The following TNRC6A variants were observed in gnomAD, a reference collection of about 807,000 sequenced individuals.
TNRC6A encodes the protein trinucleotide repeat containing adaptor 6A, also known as trinucleotide repeat-containing gene 6A protein.
TNRC6A carries 44 observed loss-of-function variants against 221.2 expected under a neutral mutation model. The ratio of observed to expected loss-of-function variants is 0.20; its 90% CI spans 0.16 to 0.26. The LOEUF (loss-of-function observed/expected upper bound fraction) is 0.26, where lower values mean the gene tolerates loss of function less well. Ranked by LOEUF, TNRC6A falls within the 10% of genes least tolerant of loss-of-function variation. The pLI, the probability that TNRC6A is intolerant of heterozygous loss-of-function variation, is 1.00. For missense variants in TNRC6A, 2,199 were observed against 2,404.4 expected (o/e 0.91, Z 1.79); for synonymous variants, 847 against 838.5 (o/e 1.01, Z -0.18).
At chr16:24,626,543 T>C (rs930756093) in intron 1 of TNRC6A, among the ~76,000 whole-genome samples, 1 of 152,086 alleles carries the variant, frequency 6.6e-6, no homozygotes, top group Non-Finnish European at 1.5e-5. Context: ...TGAACAACAC[T>C]GAAATCTGAT....
intron 6 of TNRC6A, 180 bp from the exon 7 acceptor site, chr16:24,793,293 A>G (rs905760398): frequency 4.9e-6 from 2 of 407,584 alleles, no homozygotes; most frequent in East Asian, 3.7e-5. Flanking sequence ...TTAATGGGAA[A>G]TAGTTTGTCT....
chr16:24,685,124 A>G (rs927897183), intron 2 of TNRC6A, among the ~76,000 whole-genome samples: 1 of 152,070 alleles, frequency 6.6e-6, no homozygotes, highest in Admixed American at 6.6e-5. Context: ...GCACCTGCCC[A>G]TCCACAGGCT....
intron 2 of TNRC6A, among the ~76,000 whole-genome samples, chr16:24,718,098 C>A (rs2056348084): frequency 6.6e-6 from 1 of 152,060 alleles, no homozygotes; most frequent in Non-Finnish European, 1.5e-5. Flanking sequence ...TCGTATTCAA[C>A]AAATATGAAT....
In TNRC6A at chr16:24,611,578, C is replaced by T. The variant is rs548173247; in HGVS notation, n.276+1094C>T. 1.2e-4 allele frequency among the ~76,000 whole-genome samples: 18 copies of T among 152,214 alleles called. No individual in the cohort carries two copies. In the South Asian group the frequency reaches 1.7e-3, roughly 14 times the overall value. On this transcript the variant is annotated intron_variant and non_coding_transcript_variant, in intron 1 of 2. Coordinates refer to the TNRC6A transcript ENST00000566108. ...GGAGCAAAAAATCTAGTGCTGGATG[C>T]GCTCGGGCATCGAGAGGCATCTCGT...
chr16:24,737,680 A>G (rs1256565247), intron 2 of TNRC6A, among the ~76,000 whole-genome samples: 2 of 152,244 alleles, frequency 1.3e-5, no homozygotes, highest in Non-Finnish European at 2.9e-5. Flanking sequence ...AACAAACAAG[A>G]TTAAGCCAAC....
At chr16:24,723,346 C>T (rs1369009807) in intron 2 of TNRC6A, among the ~76,000 whole-genome samples, 1 of 152,106 alleles carries the variant, frequency 6.6e-6, no homozygotes, top group African/African-American at 2.4e-5. Flanking sequence ...GTAATCCCAG[C>T]ACTTTGGCAG....
Position 24,823,777 on chromosome 16 carries a change from C to T in TNRC6A, c.5859C>T (p.Asp1953=). The T allele has an allele frequency of 6.8e-7, 1 of 1,480,916 alleles. No homozygotes were observed. Among genetic ancestry groups the T allele is most frequent in the Non-Finnish European group, 9.0e-7 (1 of 1,115,280 alleles). 91.7% of individuals were successfully genotyped at this position (1,480,916 alleles called of 1,614,324 possible). A position where few individuals can be genotyped will look rare whatever the true frequency, so the allele number is the denominator to read the frequency against. Residue 1953 remains aspartate (D), a synonymous_variant, in exon 25 of 25, where the codon GAC becomes GAT. Coordinates refer to ENST00000395799, the MANE Select transcript of TNRC6A (RefSeq NM_014494.4). The surrounding 1 kb of genome is among the most constrained non-coding windows in gnomAD (Gnocchi z 4.3). ...CCATTAACGCTTTTCTTTCTGTTGA[C>T]CACCTGGGTGGGGGTGGAGAGTCCA... is the stretch of plus-strand genomic sequence containing the variant. ...PSPINAFLSV[D]HLGGGGESM is the part of the protein sequence containing the mutation.
intron 4 of TNRC6A, among the ~76,000 whole-genome samples, chr16:24,770,260 G>T (rs1428539734): frequency 6.6e-6 from 1 of 152,210 alleles, no homozygotes; most frequent in African/African-American, 2.4e-5. Context: ...AGCAGGATAT[G>T]AATCTGGAAA....
Position 24,791,716 on chromosome 16 carries a change from A to G in TNRC6A, c.3074A>G (p.Asn1025Ser). 6.2e-7 allele frequency: 1 copy of G among 1,613,710 alleles called. No homozygotes were observed. Among genetic ancestry groups the G allele is most frequent in the East Asian group, 2.2e-5 (1 of 44,838 alleles). The change falls in exon 6 of 25, where the codon AAC (asparagine) becomes AGC (serine). Residue 1025 changes from asparagine (N) to serine (S), a missense_variant. Around this residue, in one of 8 missense-constraint regions of TNRC6A, gnomAD observed 1,405 missense variants for 1,400.2 expected, o/e 1.00. Transcript: ENST00000395799. ...NYKNVNMWNKNVPNGNSRSDQ... is the reference protein window; with the variant it reads ...NYKNVNMWNKSVPNGNSRSDQ... ...AAAAATGTGAACATGTGGAACAAAA[A>G]CGTCCCAAATGGCAACAGCCGTTCA...
At chr16:24,629,388 T>C (rs1283942801) in intron 1 of TNRC6A, among the ~76,000 whole-genome samples, 1 of 152,234 alleles carries the variant, frequency 6.6e-6, no homozygotes. Context: ...AATTATTTAT[T>C]AATCCAGAAA....
chr16:24,712,016 A>G (rs923961496), intron 2 of TNRC6A, among the ~76,000 whole-genome samples: 12 of 152,120 alleles, frequency 7.9e-5, no homozygotes, highest in Admixed American at 5.9e-4. Flanking sequence ...ATTCCTTTGA[A>G]GACTGCCAAG....
intron 1 of TNRC6A, among the ~76,000 whole-genome samples, chr16:24,620,715 G>A (rs1390857325): frequency 2.0e-5 from 3 of 152,148 alleles, no homozygotes; most frequent in Non-Finnish European, 4.4e-5. Context: ...GGCTGAGACA[G>A]GATAATCACT....
At chr16:24,816,713 T>C in intron 19 of TNRC6A, 103 bp from the exon 20 acceptor site, 1 of 1,361,954 alleles carries the variant, frequency 7.3e-7, no homozygotes, top group Non-Finnish European at 1.0e-6. Flanking sequence ...TTGGAAAGTA[T>C]TTGAGAGTTG....
At chr16:24,664,797 AC>A in intron 2 of TNRC6A, 1 of 425,474 alleles carries the variant, frequency 2.4e-6, no homozygotes, top group African/African-American at 2.2e-5. Context: ...ACACACACAC[AC>A]ACACACACAC....
intron 18 of TNRC6A, among the ~76,000 whole-genome samples, chr16:24,813,695 T>C (rs756572046): frequency 2.0e-5 from 3 of 152,224 alleles, no homozygotes; most frequent in Non-Finnish European, 2.9e-5. Flanking sequence ...TATTCTCCAC[T>C]GTACATTTAG....
intron 2 of TNRC6A, among the ~76,000 whole-genome samples, chr16:24,651,278 C>G (rs1353430216): frequency 6.6e-6 from 1 of 151,902 alleles, no homozygotes; most frequent in Non-Finnish European, 1.5e-5. Flanking sequence ...GTGCCTCACG[C>G]CTGTAATCCC....
intron 2 of TNRC6A, among the ~76,000 whole-genome samples, chr16:24,734,773 T>C (rs570897499): frequency 7.2e-5 from 11 of 152,378 alleles, no homozygotes; most frequent in African/African-American, 2.4e-4. Flanking sequence ...CAATATGTTA[T>C]GTTCATTCTA....
intron 2 of TNRC6A, among the ~76,000 whole-genome samples, chr16:24,641,525 T>C (rs889980764): frequency 2.0e-5 from 3 of 152,150 alleles, no homozygotes; most frequent in Admixed American, 6.6e-5. Context: ...TCAGCAGTGA[T>C]GGTGGAAAAG....
chr16:24,771,356 C>T, intron 4 of TNRC6A, among the ~76,000 whole-genome samples: 1 of 152,090 alleles, frequency 6.6e-6, no homozygotes, highest in East Asian at 1.9e-4. Flanking sequence ...TGCCCATGGT[C>T]ATATAGCTAG....
Sources: gnomAD v4.1 joint callset for allele counts (sites outside exome capture counted in the v4.1 genomes callset) on GRCh38, gnomAD v4.1.1 for gene constraint, gnomAD v4.1.1 regional missense constraint, Gnocchi (gnomAD v3.1) non-coding constraint, MANE v1.5 for transcripts, NCBI Gene and HGNC (gene_info 2026-07-23, HGNC 2026-07-21) for gene names.